The following ANKRD35 variants were observed in gnomAD, a reference collection of about 807,000 sequenced individuals.
ANKRD35 encodes the protein ankyrin repeat domain-containing protein 35.
ANKRD35 carries 102 observed loss-of-function variants against 109.9 expected under a neutral mutation model. The ratio of observed to expected loss-of-function variants is 0.93; its 90% CI spans 0.79 to 1.09. The LOEUF (loss-of-function observed/expected upper bound fraction) is 1.09. Among genes scored for constraint, ANKRD35 ranks in the 50% least tolerant of loss-of-function variants. The pLI is 0.00. For missense variants in ANKRD35, 1,240 were observed against 1,230.1 expected, an observed-to-expected ratio of 1.01 and a Z score of -0.12; for synonymous variants, 515 against 512.4, an observed-to-expected ratio of 1.01 and a Z score of -0.07.
chr1:145,877,233 ATT>A (rs55662836), intron 4 of ANKRD35, among the ~76,000 whole-genome samples: 13 of 140,280 alleles, frequency 9.3e-5, no homozygotes, highest in Admixed American at 1.4e-4. Context: ...AAGATAACTG[ATT>A]TTTTTTTTTT....
chr1:145,874,863 C>T lies in ANKRD35; in HGVS notation c.704G>A (p.Trp235Ter). 17 of 1,610,946 alleles carry T rather than the reference C, an allele frequency of 1.1e-5. No individual in the cohort carries two copies. In the Admixed American group the frequency reaches 2.8e-4, roughly 27 times the overall value. Residue 235 changes from tryptophan to a stop codon, truncating the protein, a stop_gained, in exon 8 of 14, where the codon TGG becomes TAG. Coordinates refer to ENST00000355594, the MANE Select transcript of ANKRD35 (RefSeq NM_144698.5). LOFTEE classifies it high-confidence loss of function. ...YALHTQDKAL[W>*]RHLQQALSRR... ...GCTCAGGGCCTGCTGTAGGTGCCTCCACAGTGCCTTGTCTTGTGTGTGCAG... is the reference window on the plus strand; with the variant it reads ...GCTCAGGGCCTGCTGTAGGTGCCTCTACAGTGCCTTGTCTTGTGTGTGCAG...
At chr1:145,866,998 T>G (rs782740333) in intron 13 of ANKRD35, among the ~76,000 whole-genome samples, 3 of 152,044 alleles carry the variant, frequency 2.0e-5, no homozygotes, top group Non-Finnish European at 2.9e-5. Flanking sequence ...TCTACCACTA[T>G]CCTACCATCA....
intron 10 of ANKRD35, among the ~76,000 whole-genome samples, chr1:145,871,738 G>T (rs587633322): frequency 1.8e-4 from 28 of 152,160 alleles, no homozygotes; most frequent in African/African-American, 6.3e-4. Context: ...CTGAATCTGG[G>T]TGCCAAATTT....
rs1553739401 is a variant in ANKRD35 at position 145,873,566 on chromosome 1, T to G, written c.1203A>C (p.Pro401=). The G allele has an allele frequency of 1.2e-6, 2 of 1,614,142 alleles. No homozygotes were observed. The highest frequency in any genetic ancestry group is 1.7e-5 in the Admixed American group (1 of 60,026). ...AAATVNPVLA[P]KKAEDSAPGK... Reference sequence around the variant, plus strand: ...CTGGGGCTGAGTCCTCAGCCTTCTTTGGAGCTAATACTGGATTTACTGTGG... The same window carrying G: ...CTGGGGCTGAGTCCTCAGCCTTCTTGGGAGCTAATACTGGATTTACTGTGG... The change falls in exon 10 of 14, where the codon CCA becomes CCC. Residue 401 remains proline (P), a synonymous_variant. Transcript: ENST00000355594.
chr1:145,870,847 G>C (rs1322164799), intron 10 of ANKRD35, among the ~76,000 whole-genome samples: 1 of 151,904 alleles, frequency 6.6e-6, no homozygotes, highest in Non-Finnish European at 1.5e-5. Context: ...AGCCTCTTGG[G>C]AGCTGGGATT....
At chr1:145,883,217 T>G (rs1654358685) in intron 1 of ANKRD35, among the ~76,000 whole-genome samples, 2 of 151,878 alleles carry the variant, frequency 1.3e-5, no homozygotes, top group Admixed American at 1.3e-4. Context: ...CCCAAGTAGC[T>G]GGGATTACAG....
rs1654062489 is a variant in ANKRD35 at position 145,876,165 on chromosome 1, C to T, written c.535G>A (p.Val179Ile). The change falls in exon 7 of 14, where the codon GTT (valine) becomes ATT (isoleucine). Residue 179 changes from valine to isoleucine, a missense_variant. Transcript: ENST00000355594. Reference sequence around the variant, plus strand: ...TTGTCATTCTTGTCTGTAACATTAACTCGGGCGCCTCGCTGCAGCAGCTGT... The same window carrying T: ...TTGTCATTCTTGTCTGTAACATTAATTCGGGCGCCTCGCTGCAGCAGCTGT... ...CSQLLQRGAR[V>I]NVTDKNDKSA... is the part of the protein sequence containing the mutation. The T allele has an allele frequency of 1.9e-6, 3 of 1,613,952 alleles. No individual in the cohort carries two copies. The highest frequency in any genetic ancestry group is 2.2e-5 in the East Asian group (1 of 44,884).
At chr1:145,880,269 G>C (rs1022561393) in intron 1 of ANKRD35, among the ~76,000 whole-genome samples, 1 of 152,122 alleles carries the variant, frequency 6.6e-6, no homozygotes, top group Non-Finnish European at 1.5e-5. Context: ...AACACCCAGG[G>C]CTGAAAGTAC....
At chr1:145,874,062 A>C in intron 9 of ANKRD35, 77 bp from the exon 10 acceptor site, 5 of 1,611,228 alleles carry the variant, frequency 3.1e-6, no homozygotes, top group Non-Finnish European at 4.2e-6. Context: ...CTTCTCTTAA[A>C]TGTCTTGACA....
In ANKRD35 at chr1:145,874,179, G is replaced by A; in HGVS notation, c.759C>T (p.Val253=). The A allele has an allele frequency of 1.9e-6, 3 of 1,614,082 alleles. No individual in the cohort carries two copies. Among genetic ancestry groups the A allele is most frequent in the South Asian group, 2.2e-5 (2 of 91,074 alleles). The change falls in exon 9 of 14, where the codon GTC becomes GTT. Residue 253 remains valine, a synonymous_variant. Coordinates refer to ENST00000355594, the MANE Select transcript of ANKRD35 (RefSeq NM_144698.5). Reference sequence around the variant, plus strand: ...CCTGGGATGCGAGATCTGGGTGCTGGACTAGCCTCTGACCTATAAGAAAAG... The same window carrying A: ...CCTGGGATGCGAGATCTGGGTGCTGAACTAGCCTCTGACCTATAAGAAAAG... ...SRRRRGGQRL[V]QHPDLASQAS...
chr1:145,876,171 C>A lies in ANKRD35; in HGVS notation c.529G>T (p.Ala177Ser). 3 of 1,613,870 alleles carry A rather than the reference C, an allele frequency of 1.9e-6. No individual in the cohort carries two copies. The highest frequency in any genetic ancestry group is 2.2e-5 in the East Asian group (1 of 44,872). The change falls in exon 7 of 14, where the codon GCC (alanine) becomes TCC (serine). Residue 177 changes from alanine (A) to serine (S), a missense_variant. By Grantham distance (99) the Ala-to-Ser change is moderately conservative. Transcript: ENST00000355594. ...TTCTTGTCTGTAACATTAACTCGGG[C>A]GCCTCGCTGCAGCAGCTGTGAGCAG... ...AICSQLLQRG[A>S]RVNVTDKNDK... is the part of the protein sequence containing the mutation.
chr1:145,873,086 A>G lies in ANKRD35; in HGVS notation c.1683T>C (p.Val561=). 1 of 1,612,992 alleles carries G rather than the reference A, an allele frequency of 6.2e-7. No individual in the cohort carries two copies. ...AKAGLQVKPE[V]PSQESREGAL... ...CTCCCTCTCTGGACTCCTGGGAAGG[A>G]ACCTCAGGTTTCACCTGTAGTCCTG... is the stretch of plus-strand genomic sequence containing the variant. The change falls in exon 10 of 14, where the codon GTT becomes GTC. Residue 561 remains valine, a synonymous_variant. Transcript: ENST00000355594.
At chr1:145,867,494 C>T (rs1029100504) in intron 12 of ANKRD35, 102 bp from the exon 13 acceptor site, 2 of 934,544 alleles carry the variant, frequency 2.1e-6, no homozygotes, top group Admixed American at 1.9e-5. Flanking sequence ...TATTTATTTA[C>T]TATATACCTT....
At chr1:145,869,250 T>C (rs1553738226) in intron 10 of ANKRD35, among the ~76,000 whole-genome samples, 1 of 152,188 alleles carries the variant, frequency 6.6e-6, no homozygotes. Context: ...AGTGACACCA[T>C]CTGCTCACTG....
chr1:145,881,614 G>A lies in ANKRD35; in HGVS notation c.40-2226C>T, dbSNP rs151137402. 3.3e-5 allele frequency among the ~76,000 whole-genome samples: 5 copies of A among 152,328 alleles called. No individual in the cohort carries two copies. In the East Asian group the frequency reaches 9.6e-4, roughly 29 times the overall value. On this transcript the variant is annotated intron_variant, in intron 1 of 13. Coordinates refer to ENST00000355594, the MANE Select transcript of ANKRD35 (RefSeq NM_144698.5). ...AGAGCTAGAACTATGCCCCACGACA[G>A]GGTGCTGCCATCAGCTGACGTCAAC...
chr1:145,882,756 AG>A (rs782449887), intron 1 of ANKRD35, among the ~76,000 whole-genome samples: 1 of 152,208 alleles, frequency 6.6e-6, no homozygotes, highest in Non-Finnish European at 1.5e-5. Flanking sequence ...GTCAAGATCC[AG>A]TCTGTAGCTT....
intron 6 of ANKRD35, 108 bp from the exon 7 acceptor site, chr1:145,876,354 G>T: frequency 8.1e-7 from 1 of 1,229,804 alleles, no homozygotes. Context: ...TAAAAGCCCA[G>T]ATCTTGGGTC....
Position 145,879,334 on chromosome 1 carries a change from C to G in ANKRD35, c.94G>C (p.Asp32His), listed in dbSNP as rs201101382. The G allele has an allele frequency of 5.0e-6, 8 of 1,608,292 alleles. No individual in the cohort carries two copies. The African/African-American group carries it at 9.4e-5, about 19-fold the overall frequency. ...GCCAGGGCAGCCACGCGTCCCACAT[C>G]CCCCCTGTGCACTGCCTCCAGCAGC... ...QKLLEAVHRG[D>H]VGRVAALASR... Residue 32 changes from aspartate to histidine, a missense_variant, in exon 2 of 14, where the codon GAT becomes CAT. By Grantham distance (81) the Asp-to-His change is moderately conservative (BLOSUM62 -1). Coordinates refer to ENST00000355594, the MANE Select transcript of ANKRD35 (RefSeq NM_144698.5).
At chr1:145,879,226 T>C (rs1654197982) in intron 2 of ANKRD35, 32 bp downstream of exon 2, 19 of 1,541,996 alleles carry the variant, frequency 1.2e-5, no homozygotes, top group East Asian at 2.4e-5. Context: ...GGGAGCCACA[T>C]GTAAGGGGCA....
Sources: allele counts gnomAD v4.1 joint callset (sites outside exome capture counted in the v4.1 genomes callset), GRCh38; gene constraint gnomAD v4.1.1; transcripts MANE v1.5; gene names NCBI Gene and HGNC (gene_info 2026-07-23, HGNC 2026-07-21).